Variants in APH1B observed in about 807,000 individuals in gnomAD.
The protein encoded by APH1B is aph-1B gamma-secretase subunit.
In APH1B, 27 loss-of-function variants were observed where a neutral mutation model predicts 28.2. The observed-to-expected ratio is 0.96, with a 90% CI of 0.70 to 1.32. The LOEUF is 1.32. Among genes scored for constraint, APH1B ranks in the 40% most tolerant of loss-of-function variants. The pLI is 0.00. For synonymous variants in APH1B, 141 were observed against 124.6 expected (o/e 1.13, Z -0.88); for missense variants, 305 against 313.6 (o/e 0.97, Z 0.21).
chr15:63,289,263 T>G (rs533491868), intron 4 of APH1B, among the ~76,000 whole-genome samples: 1 of 152,314 alleles, frequency 6.6e-6, no homozygotes, highest in East Asian at 1.9e-4. Context: ...GCATAAACTT[T>G]GAATTATAAA....
chr15:63,282,082 A>T (rs2038395026), intron 2 of APH1B, among the ~76,000 whole-genome samples: 1 of 152,244 alleles, frequency 6.6e-6, no homozygotes, highest in Non-Finnish European at 1.5e-5. Context: ...AATTTGAGAA[A>T]TGTTAAATGT....
chr15:63,286,411 T>G (rs529170193), intron 2 of APH1B, 147 bp from the exon 3 acceptor site: 1 of 625,628 alleles, frequency 1.6e-6, no homozygotes, highest in East Asian at 3.4e-5. Flanking sequence ...CTGGGTTTGT[T>G]TAAATAAATT....
chr15:63,278,854 AC>A (rs1443714756), intron 1 of APH1B, among the ~76,000 whole-genome samples: 2 of 152,220 alleles, frequency 1.3e-5, no homozygotes, highest in Admixed American at 6.5e-5. Flanking sequence ...GTAGCAAATA[AC>A]CAAGTTTCTA....
chr15:63,283,320 C>G (rs961526421), intron 2 of APH1B, among the ~76,000 whole-genome samples: 1 of 152,144 alleles, frequency 6.6e-6, no homozygotes, highest in East Asian at 1.9e-4. Context: ...CTTCCGCCTC[C>G]GGGGCTCAAG....
intron 2 of APH1B, among the ~76,000 whole-genome samples, chr15:63,283,674 C>G (rs1480528555): frequency 1.3e-5 from 2 of 152,108 alleles, no homozygotes; most frequent in Admixed American, 1.3e-4. Context: ...TCCTTTGTAG[C>G]ATCAAAGTTT....
chr15:63,277,665 C>A lies in APH1B; in HGVS notation c.42C>A (p.Phe14Leu), dbSNP rs925630565. 1.4e-5 allele frequency: 22 copies of A among 1,608,074 alleles called. No homozygotes were observed. Among genetic ancestry groups the A allele is most frequent in the Non-Finnish European group, 1.8e-5 (21 of 1,177,482 alleles). The change falls in exon 1 of 6, where the codon TTC (phenylalanine) becomes TTA (leucine). Residue 14 changes from phenylalanine to leucine, a missense_variant. Transcript: ENST00000261879. ...AVFFGCAFIA[F>L]GPALALYVFT... ...TCTTCGGCTGCGCCTTCATTGCCTT[C>A]GGGCCTGCGCTCGCCCTTTATGTCT... is the stretch of plus-strand genomic sequence containing the variant.
intron 4 of APH1B, among the ~76,000 whole-genome samples, chr15:63,289,924 G>A (rs1454306555): frequency 6.6e-6 from 1 of 151,948 alleles, no homozygotes; most frequent in Admixed American, 6.6e-5. Context: ...GAATCATTGA[G>A]CCCGGGAGGT....
chr15:63,280,467 A>T (rs1238070957), intron 2 of APH1B, among the ~76,000 whole-genome samples: 2 of 151,414 alleles, frequency 1.3e-5, no homozygotes, highest in African/African-American at 4.8e-5. Flanking sequence ...ACCAAGAGGA[A>T]CCTCAACAAC....
chr15:63,293,447 G>A (rs750466917), intron 4 of APH1B, among the ~76,000 whole-genome samples: 9 of 151,316 alleles, frequency 5.9e-5, no homozygotes, highest in African/African-American at 1.5e-4. Context: ...GATTACAGGC[G>A]TAAGCCACCG....
chr15:63,287,580 C>G lies in APH1B; in HGVS notation c.478+34C>G, dbSNP rs769648670. ...CTCATAGCTGTCAACATTCAGGCTT[C>G]TAGTCTAAATGATCATTCTTATTGG... On this transcript the variant is annotated intron_variant, in intron 4 of 5. Coordinates refer to ENST00000261879, the MANE Select transcript of APH1B (RefSeq NM_031301.4). 6.2e-6 allele frequency: 10 copies of G among 1,607,636 alleles called. No individual in the cohort carries two copies. In the South Asian group the frequency reaches 1.1e-4, roughly 18 times the overall value.
rs1485685876 is a variant in APH1B at position 63,307,410 on chromosome 15, A to G, written c.*1629A>G. ...GAGATAAAAGAAGAGGAGGGCTTCT[A>G]TCAATGCTGTAAACAGTCTGATAAG... On this transcript the variant is annotated 3_prime_UTR_variant, in exon 6 of 6. Coordinates refer to ENST00000261879, the MANE Select transcript of APH1B (RefSeq NM_031301.4). The G allele has an allele frequency of 2.0e-5, 3 of 152,230 alleles. No individual in the cohort carries two copies. The highest frequency in any genetic ancestry group is 6.5e-5 in the Admixed American group (1 of 15,282). The allele number at this position is 152,230 out of a possible 1,614,324, so 9.4% of individuals were successfully genotyped here. A position where few individuals can be genotyped will look rare whatever the true frequency, so the allele number is the denominator to read the frequency against.
intron 4 of APH1B, among the ~76,000 whole-genome samples, chr15:63,293,690 G>T (rs747765021): frequency 8.5e-5 from 13 of 152,068 alleles, no homozygotes; most frequent in Non-Finnish European, 1.8e-4. Context: ...GAGAGACAGG[G>T]CTTCGCTATG....
In APH1B at chr15:63,277,698, C is replaced by A. The variant is rs764962212; in HGVS notation, c.75C>A (p.Ile25=). 5.0e-6 allele frequency: 8 copies of A among 1,611,558 alleles called. No individual in the cohort carries two copies. Among genetic ancestry groups the A allele is most frequent in the African/African-American group, 1.3e-5 (1 of 74,624 alleles). Residue 25 remains isoleucine, a synonymous_variant, in exon 1 of 6, where the codon ATC becomes ATA. Coordinates refer to ENST00000261879, the MANE Select transcript of APH1B (RefSeq NM_031301.4). ...CGCTCGCCCTTTATGTCTTCACCAT[C>A]GCCACCGAGCCGTTGCGTATCATCT... ...GPALALYVFT[I]ATEPLRIIFL...
Position 63,308,592 on chromosome 15 carries a change from A to C in APH1B, c.*2811A>C, listed in dbSNP as rs74607179. ...TTCATATCCATAGCATGGATGCAGA[A>C]TAAGCAGTTGGGAGAGAAGCTTCTT... On this transcript the variant is annotated 3_prime_UTR_variant, in exon 6 of 6. Coordinates refer to ENST00000261879, the MANE Select transcript of APH1B (RefSeq NM_031301.4). 1.1e-3 allele frequency: 172 copies of C among 152,388 alleles called. 3 individuals carry two copies. The South Asian group carries it at 0.02, about 18-fold the overall frequency. The allele number at this position is 152,388 out of a possible 1,614,324, so 9.4% of individuals were successfully genotyped here.
chr15:63,298,776 A>C (rs1221762427), intron 4 of APH1B, among the ~76,000 whole-genome samples: 1 of 152,214 alleles, frequency 6.6e-6, no homozygotes, highest in Admixed American at 6.5e-5. Context: ...GAGAGTTTAA[A>C]TAGCTTGTCC....
intron 1 of APH1B, 121 bp downstream of exon 1, chr15:63,277,857 G>T: frequency 2.1e-6 from 2 of 961,178 alleles, no homozygotes; most frequent in Middle Eastern, 2.3e-4. Context: ...CGGGAGGAGG[G>T]TTGAGAGGGG....
At chr15:63,280,451 G>A (rs12907130) in intron 2 of APH1B, among the ~76,000 whole-genome samples, 1,638 of 152,180 alleles carry the variant, frequency 0.011, 12 homozygotes, top group Non-Finnish European at 0.017. Flanking sequence ...GAATTTCGTG[G>A]ATATAACCAA....
chr15:63,294,218 G>A (rs950209287), intron 4 of APH1B, among the ~76,000 whole-genome samples: 1 of 151,766 alleles, frequency 6.6e-6, no homozygotes, highest in African/African-American at 2.4e-5. Flanking sequence ...ATCCAGTATG[G>A]TATCACTCTT....
rs1280347878 is a variant in APH1B at position 63,305,718 on chromosome 15, C to G, written c.711C>G (p.Ser237Arg). The change falls in exon 6 of 6, where the codon AGC becomes AGG. Residue 237 changes from serine (S) to arginine (R), a missense_variant. Coordinates refer to ENST00000261879, the MANE Select transcript of APH1B (RefSeq NM_031301.4). ...AFLAAGGSCR[S>R]LKLCLLCQDK... Reference sequence around the variant, plus strand: ...TAGCTGCGGGAGGCAGCTGCCGAAGCCTGAAACTCTGCCTGCTCTGCCAAG... The same window carrying G: ...TAGCTGCGGGAGGCAGCTGCCGAAGGCTGAAACTCTGCCTGCTCTGCCAAG... 1 of 1,614,210 alleles carries G rather than the reference C, an allele frequency of 6.2e-7. No homozygotes were observed. Among genetic ancestry groups the G allele is most frequent in the Non-Finnish European group, 8.5e-7 (1 of 1,180,046 alleles).
Sources: allele counts gnomAD v4.1 joint callset (sites outside exome capture counted in the v4.1 genomes callset), GRCh38; gene constraint gnomAD v4.1.1; transcripts MANE v1.5; gene names NCBI Gene and HGNC (gene_info 2026-07-23, HGNC 2026-07-21).